The following TRANK1 variants were observed in gnomAD, a reference collection of about 807,000 sequenced individuals.
TRANK1 encodes TPR and ankyrin repeat-containing protein 1.
A neutral mutation model predicts 266.0 loss-of-function variants in TRANK1; 198 were observed. The ratio of observed to expected loss-of-function variants is 0.74; its 90% CI spans 0.66 to 0.84. TRANK1 has a LOEUF of 0.84. Among genes scored for constraint, TRANK1 ranks in the 40% least tolerant of loss-of-function variants. TRANK1 has a pLI of 0.00. For missense variants in TRANK1, 3,326 were observed against 3,634.6 expected (o/e 0.92, Z 2.18); for synonymous variants, 1,396 against 1,384.1 (o/e 1.01, Z -0.19).
intron 15 of TRANK1, chr3:36,851,136 G>C: frequency 1.0e-6 from 1 of 985,690 alleles, no homozygotes; most frequent in Non-Finnish European, 1.2e-6. Flanking sequence ...CCAATACAGA[G>C]GTCACTGGGG....
At chr3:36,874,785 AC>A (rs2079361272) in intron 8 of TRANK1, among the ~76,000 whole-genome samples, 1 of 151,628 alleles carries the variant, frequency 6.6e-6, no homozygotes, top group African/African-American at 2.4e-5. Context: ...CTGGATGCCA[AC>A]TCCATTTGCT....
In TRANK1 at chr3:36,832,017, G is replaced by A. The variant is rs778031120; in HGVS notation, c.7566C>T (p.Phe2522=). The A allele has an allele frequency of 6.2e-7, 1 of 1,614,024 alleles. No homozygotes were observed. Among genetic ancestry groups the A allele is most frequent in the Admixed American group, 1.7e-5 (1 of 60,024 alleles). Residue 2522 remains phenylalanine (F), a synonymous_variant, in exon 22 of 24, where the codon TTC becomes TTT. Coordinates refer to ENST00000645898, the MANE Select transcript of TRANK1 (RefSeq NM_001329998.2). ...TGGCGAGGTAGGAGAGATGGAACCG[G>A]AAATCCTGAATGGCTCTTGTCACGT... The part of the protein sequence containing the change: ...PKDVTRAIQD[F]RFHLSYLAKV...
intron 1 of TRANK1, among the ~76,000 whole-genome samples, chr3:36,918,530 A>AAGGAAGGAAGGAAGGAAGGAAGGTAG (rs1268343901): frequency 5.3e-5 from 1 of 18,782 alleles, no homozygotes; most frequent in Admixed American, 6.9e-4. Context: ...AAAGAAAGAA[A>AAGGAAGGAAGGAAGGAAGGAAGGTAG]GAAGGAAGGA....
At chr3:36,862,763 T>C (rs926445470) in intron 10 of TRANK1, among the ~76,000 whole-genome samples, 1 of 152,122 alleles carries the variant, frequency 6.6e-6, no homozygotes, top group African/African-American at 2.4e-5. Flanking sequence ...TTCAATGTCA[T>C]CTCCACAGAG....
rs752059010 is a variant in TRANK1 at position 36,860,934 on chromosome 3, C to A, written c.1467G>T (p.Gln489His). Reference sequence around the variant, plus strand: ...CACTGTCTATCAGGCAGCCCAGAAGCTGTTTCTTCCGCTGGTCCCAGGTGC... The same window carrying A: ...CACTGTCTATCAGGCAGCCCAGAAGATGTTTCTTCCGCTGGTCCCAGGTGC... Reference protein sequence around the residue: ...HLSTWDQRKKQLLGCLIDSGA... With the variant: ...HLSTWDQRKKHLLGCLIDSGA... Residue 489 changes from glutamine to histidine, a missense_variant, in exon 11 of 24, where the codon CAG (glutamine) becomes CAT (histidine). Transcript: ENST00000645898. The A allele has an allele frequency of 1.3e-6, 2 of 1,537,364 alleles. No individual in the cohort carries two copies.
Position 36,861,093 on chromosome 3 carries a change from C to T in TRANK1, c.1308G>A (p.Leu436=), listed in dbSNP as rs2079136355. 3.3e-6 allele frequency: 5 copies of T among 1,537,414 alleles called. No individual in the cohort carries two copies. The highest frequency in any genetic ancestry group is 4.4e-6 in the Non-Finnish European group (5 of 1,146,966). ...GCACCTCAGGCCATCTCTGTTTTTC[C>T]AATAAGAATTTGAAGACGGTGGTGG... The part of the protein sequence containing the change: ...DCATTVFKFL[L]EKQRWPEVLL... Residue 436 remains leucine, a synonymous_variant, in exon 11 of 24, where the codon TTG becomes TTA. Coordinates refer to ENST00000645898, the MANE Select transcript of TRANK1 (RefSeq NM_001329998.2).
At chr3:36,936,039 T>C (rs1301231180) in intron 1 of TRANK1, among the ~76,000 whole-genome samples, 2 of 152,222 alleles carry the variant, frequency 1.3e-5, no homozygotes, top group East Asian at 1.9e-4. Flanking sequence ...TAAGCACCTG[T>C]TGAGAATCTA....
intron 11 of TRANK1, among the ~76,000 whole-genome samples, chr3:36,859,188 G>A (rs1271151255): frequency 2.0e-5 from 3 of 151,512 alleles, no homozygotes; most frequent in African/African-American, 7.3e-5. Context: ...TGAGGACAGG[G>A]CATGAGAACT....
chr3:36,879,943 C>T lies in TRANK1; in HGVS notation c.908-5647G>A, dbSNP rs181242976. On this transcript the variant is annotated intron_variant, in intron 8 of 23. Transcript: ENST00000645898. The stretch of plus-strand genomic sequence containing the variant: ...ATGTAAACATGCAAATATATGTAAA[C>T]ATGCAAATATATGTAAACATGCAAA... Among the ~76,000 whole-genome samples the T allele has an allele frequency of 8.0e-3, 88 of 11,004 alleles. 21 individuals carry two copies. Among genetic ancestry groups the T allele is most frequent in the African/African-American group, 0.02 (31 of 1,576 alleles). The allele number at this position is 11,004 out of a possible 152,430, so 7.2% of individuals were successfully genotyped here.
chr3:36,844,470 G>A lies in TRANK1; in HGVS notation c.5192-1760C>T, dbSNP rs571941227. On this transcript the variant is annotated intron_variant, in intron 17 of 23. Coordinates refer to ENST00000645898, the MANE Select transcript of TRANK1 (RefSeq NM_001329998.2). ...TTGAACTCCTGACGTCAGGTGATCCGCCCACCTTGGCCCCTCAAAGTGCTG... is the reference window on the plus strand; with the variant it reads ...TTGAACTCCTGACGTCAGGTGATCCACCCACCTTGGCCCCTCAAAGTGCTG... Among the ~76,000 whole-genome samples, 105 of 152,190 alleles carry A rather than the reference G, an allele frequency of 6.9e-4. 2 individuals are homozygous for A. Among genetic ancestry groups the A allele is most frequent in the East Asian group, 4.6e-3 (24 of 5,178 alleles).
chr3:36,828,222 C>G lies in TRANK1; in HGVS notation c.*53G>C. ...GTCTTCTGCCCCAGCGCTCAGAATTCTAAGTCAGAATGGAATGTTCCGAAG... is the reference window on the plus strand; with the variant it reads ...GTCTTCTGCCCCAGCGCTCAGAATTGTAAGTCAGAATGGAATGTTCCGAAG... On this transcript the variant is annotated 3_prime_UTR_variant, in exon 24 of 24. Coordinates refer to ENST00000645898, the MANE Select transcript of TRANK1 (RefSeq NM_001329998.2). 7.2e-7 allele frequency: 1 copy of G among 1,390,486 alleles called. No individual in the cohort carries two copies. Among genetic ancestry groups the G allele is most frequent in the South Asian group, 1.2e-5 (1 of 81,850 alleles). The allele number at this position is 1,390,486 out of a possible 1,614,324, so 86.1% of individuals were successfully genotyped here.
At chr3:36,909,754 G>A (rs897108112) in intron 1 of TRANK1, among the ~76,000 whole-genome samples, 2 of 152,120 alleles carry the variant, frequency 1.3e-5, no homozygotes, top group Non-Finnish European at 2.9e-5. Flanking sequence ...CTTGGGAATG[G>A]GGTTTTTGAA....
rs780124165 is a variant in TRANK1, at chr3:36,847,235, C to G, written c.4999G>C (p.Gly1667Arg). 6.2e-7 allele frequency: 1 copy of G among 1,613,374 alleles called. No homozygotes were observed. Among genetic ancestry groups the G allele is most frequent in the Non-Finnish European group, 8.5e-7 (1 of 1,179,664 alleles). ...VPLDKPGSSQ[G>R]RSLMVNPEMY... ...TCTGGATTCACCATGAGAGATCGAC[C>G]CTGAGAAGAGCCTGGTTTGTCCAGG... The change falls in exon 16 of 24, where the codon GGT becomes CGT. Residue 1667 changes from glycine (G) to arginine (R), a missense_variant. Physicochemically the swap from Gly to Arg is moderately radical, Grantham distance 125. Coordinates refer to ENST00000645898, the MANE Select transcript of TRANK1 (RefSeq NM_001329998.2).
At position 36,829,674 on chromosome 3, in the gene TRANK1, A is replaced by G. The variant is rs1559410429; in HGVS notation, c.8711-12T>C. On this transcript the variant is annotated splice_polypyrimidine_tract_variant and intron_variant, in intron 22 of 23. Coordinates refer to ENST00000645898, the MANE Select transcript of TRANK1 (RefSeq NM_001329998.2). ...CATCGCCTCCTCCGCTTCAGAAACC[A>G]AAGAACATGGCTCTGAGTAAAGATG... 3.1e-6 allele frequency: 5 copies of G among 1,612,850 alleles called. No homozygotes were observed. The highest frequency in any genetic ancestry group is 3.4e-6 in the Non-Finnish European group (4 of 1,179,672).
rs1278371129 is a variant in TRANK1, at chr3:36,831,278, A to G, written c.8305T>C (p.Cys2769Arg). 1.2e-6 allele frequency: 2 copies of G among 1,613,346 alleles called. No individual in the cohort carries two copies. Among genetic ancestry groups the G allele is most frequent in the Non-Finnish European group, 1.7e-6 (2 of 1,179,878 alleles). Residue 2769 changes from cysteine to arginine, a missense_variant, in exon 22 of 24, where the codon TGT becomes CGT. Coordinates refer to ENST00000645898, the MANE Select transcript of TRANK1 (RefSeq NM_001329998.2). This position sits in a 1 kb window ranked among gnomAD's most constrained non-coding sequence, Gnocchi z 5.0. ...FKKADVDRTQ[C>R]DLCGVKFTRG... ...GTAAACTTCACTCCACATAGGTCAC[A>G]CTGGGTCCTGTCCACGTCTGCCTTT...
chr3:36,866,061 A>G (rs1344269624), intron 9 of TRANK1, among the ~76,000 whole-genome samples: 2 of 117,806 alleles, frequency 1.7e-5, no homozygotes, highest in Non-Finnish European at 3.5e-5. Context: ...AAAAAGAAAG[A>G]AAGAAAGAAA....
chr3:36,944,176 G>T (rs1481517147), intron 1 of TRANK1, among the ~76,000 whole-genome samples: 3 of 152,186 alleles, frequency 2.0e-5, no homozygotes, highest in Admixed American at 6.5e-5. Flanking sequence ...TCCCAGCCTT[G>T]GGTCCCTACT....
At chr3:36,863,222 C>G (rs1236710587) in intron 10 of TRANK1, among the ~76,000 whole-genome samples, 1 of 152,178 alleles carries the variant, frequency 6.6e-6, no homozygotes, top group Non-Finnish European at 1.5e-5. Context: ...AAAGGAGGCA[C>G]AGGAACACAG....
At chr3:36,883,845 A>G (rs1219555914) in intron 8 of TRANK1, among the ~76,000 whole-genome samples, 1 of 152,262 alleles carries the variant, frequency 6.6e-6, no homozygotes, top group Non-Finnish European at 1.5e-5. Context: ...GAATACAAAC[A>G]CTAAAAAAAT....
Sources: gnomAD v4.1 joint callset for allele counts (sites outside exome capture counted in the v4.1 genomes callset) on GRCh38, gnomAD v4.1.1 for gene constraint, Gnocchi (gnomAD v3.1) non-coding constraint, MANE v1.5 for transcripts, NCBI Gene and HGNC (gene_info 2026-07-23, HGNC 2026-07-21) for gene names.